TMOD2: variants seen among roughly 807,000 people sequenced by gnomAD.
TMOD2 encodes the protein tropomodulin 2.
TMOD2 carries 22 observed loss-of-function variants against 39.9 expected under a neutral mutation model. The ratio of observed to expected loss-of-function variants is 0.55; its 90% CI spans 0.39 to 0.79. The LOEUF (loss-of-function observed/expected upper bound fraction) is 0.79, where lower values mean the gene tolerates loss of function less well. Ranked by LOEUF, TMOD2 falls within the 30% of genes least tolerant of loss-of-function variation. The pLI, the probability that TMOD2 is intolerant of heterozygous loss-of-function variation, is 0.00. For missense variants in TMOD2, 386 were observed against 413.3 expected (o/e 0.93, Z 0.57); for synonymous variants, 123 against 146.1 (o/e 0.84, Z 1.14).
chr15:51,785,958 TTTAA>T (rs1419825532), intron 7 of TMOD2, among the ~76,000 whole-genome samples: 1 of 152,148 alleles, frequency 6.6e-6, no homozygotes, highest in East Asian at 1.9e-4. Flanking sequence ...AAATTTAACA[TTTAA>T]TTTAAACATT....
intron 3 of TMOD2, among the ~76,000 whole-genome samples, chr15:51,769,191 G>T (rs979783191): frequency 6.6e-6 from 1 of 152,182 alleles, no homozygotes; most frequent in Admixed American, 6.5e-5. Flanking sequence ...AAAACATCTC[G>T]AACCCCAAAG....
rs1204490931 is a variant in TMOD2 at position 51,766,579 on chromosome 15, G to A, written c.126+12G>A. ...ACCTAGATCCTGAGGTTAGTGACATGGAACTGAAGCAGAGTGGTTAATGAT... is the reference window on the plus strand; with the variant it reads ...ACCTAGATCCTGAGGTTAGTGACATAGAACTGAAGCAGAGTGGTTAATGAT... On this transcript the variant is annotated intron_variant, in intron 2 of 9. Coordinates refer to ENST00000249700, the MANE Select transcript of TMOD2 (RefSeq NM_014548.4). The A allele has an allele frequency of 1.2e-6, 2 of 1,612,984 alleles. No homozygotes were observed. The highest frequency in any genetic ancestry group is 1.7e-6 in the Non-Finnish European group (2 of 1,179,538).
At chr15:51,799,988 C>A (rs557347986) in intron 8 of TMOD2, among the ~76,000 whole-genome samples, 1 of 152,254 alleles carries the variant, frequency 6.6e-6, no homozygotes, top group East Asian at 1.9e-4. Context: ...TACCACCTAG[C>A]TAAGGTTGCC....
chr15:51,793,909 G>A (rs926908236), intron 7 of TMOD2, among the ~76,000 whole-genome samples: 10 of 152,332 alleles, frequency 6.6e-5, no homozygotes, highest in South Asian at 2.1e-4. Context: ...AGATTAAAAT[G>A]TATAGATTTA....
chr15:51,772,392 C>G (rs1247369101), intron 3 of TMOD2, among the ~76,000 whole-genome samples: 4 of 152,164 alleles, frequency 2.6e-5, no homozygotes, highest in Admixed American at 2.0e-4. Flanking sequence ...GATCATGGCT[C>G]TAGAATGTCC....
At position 51,814,753 on chromosome 15, in the gene TMOD2, C is replaced by G. The variant is rs76053663; in HGVS notation, c.*6299C>G. 1 of 152,212 alleles carries G rather than the reference C, an allele frequency of 6.6e-6. No individual in the cohort carries two copies. Among genetic ancestry groups the G allele is most frequent in the East Asian group, 1.9e-4 (1 of 5,200 alleles). The allele number at this position is 152,212 out of a possible 1,614,324, so 9.4% of individuals were successfully genotyped here. ...CAATGCTCCCTAAGGTCCCTTCCAG[C>G]TCCAATACTTGACAAGCTTGTGATT... On this transcript the variant is annotated 3_prime_UTR_variant, in exon 10 of 10. Transcript: ENST00000249700.
In TMOD2 at chr15:51,814,477, C is replaced by T. The variant is rs1181865699; in HGVS notation, c.*6023C>T. On this transcript the variant is annotated 3_prime_UTR_variant, in exon 10 of 10. Transcript: ENST00000249700. ...AATGACTTTCATAAGCCCTTGGAGG[C>T]AGGACTGTGTCTCATCCATCTTTGT... 2 of 152,160 alleles carry T rather than the reference C, an allele frequency of 1.3e-5. No individual in the cohort carries two copies. 9.4% of individuals were successfully genotyped at this position (152,160 alleles called of 1,614,324 possible). A position where few individuals can be genotyped will look rare whatever the true frequency, so the allele number is the denominator to read the frequency against.
intron 1 of TMOD2, among the ~76,000 whole-genome samples, chr15:51,752,124 C>T (rs1032834138): frequency 2.6e-5 from 4 of 152,210 alleles, no homozygotes; most frequent in Non-Finnish European, 4.4e-5. Context: ...GAGCGGTATG[C>T]ATCTCCCTGC....
intron 1 of TMOD2, among the ~76,000 whole-genome samples, chr15:51,759,383 A>G (rs146621033): frequency 6.6e-6 from 1 of 152,294 alleles, no homozygotes; most frequent in African/African-American, 2.4e-5. Context: ...GAAGATACAG[A>G]TTTTGGAATC....
At chr15:51,789,903 A>T (rs1447163946) in intron 7 of TMOD2, among the ~76,000 whole-genome samples, 1 of 152,270 alleles carries the variant, frequency 6.6e-6, no homozygotes, top group East Asian at 1.9e-4. Flanking sequence ...CACAAGAGAA[A>T]GCAGGAGAAA....
intron 1 of TMOD2, among the ~76,000 whole-genome samples, chr15:51,762,863 G>A (rs912337617): frequency 3.3e-5 from 5 of 152,104 alleles, no homozygotes; most frequent in African/African-American, 1.2e-4. Flanking sequence ...CCATGTTTTT[G>A]TGTACATCAA....
At chr15:51,784,415 A>G (rs924873627) in intron 7 of TMOD2, 2 of 152,248 alleles carry the variant, frequency 1.3e-5, no homozygotes, top group African/African-American at 4.8e-5. Flanking sequence ...CATGAAAGTA[A>G]TGACTACCTA....
rs1241042975 is a variant in TMOD2 at position 51,766,419 on chromosome 15, A to G, written c.-23A>G. On this transcript the variant is annotated 5_prime_UTR_variant, in exon 2 of 10. The change abolishes an upstream ATG in the 5' untranslated region. Transcript: ENST00000249700. ...TGGACCATTTAAATGTGCATGGCCC[A>G]TGAGAAAGGCTTATAAGAAGCCATG... The G allele has an allele frequency of 6.2e-7, 1 of 1,612,108 alleles. No individual in the cohort carries two copies. The highest frequency in any genetic ancestry group is 2.2e-5 in the East Asian group (1 of 44,844).
intron 6 of TMOD2, among the ~76,000 whole-genome samples, 187 bp downstream of exon 6, chr15:51,781,361 A>T (rs796184397): frequency 6.6e-6 from 1 of 152,254 alleles, no homozygotes; most frequent in Admixed American, 6.5e-5. Flanking sequence ...TTTGAAAAGA[A>T]TCACCATACC....
At chr15:51,770,491 A>G (rs1033978238) in intron 3 of TMOD2, among the ~76,000 whole-genome samples, 2 of 152,136 alleles carry the variant, frequency 1.3e-5, no homozygotes, top group African/African-American at 2.4e-5. Flanking sequence ...AGTGAATGGC[A>G]TCTCAGAAAT....
chr15:51,758,518 C>T (rs2055758140), intron 1 of TMOD2, among the ~76,000 whole-genome samples: 1 of 152,154 alleles, frequency 6.6e-6, no homozygotes, highest in South Asian at 2.1e-4. Flanking sequence ...CATTTGAACT[C>T]ATTTCTTTCA....
chr15:51,764,594 C>A (rs2055804132), intron 1 of TMOD2, among the ~76,000 whole-genome samples: 1 of 152,172 alleles, frequency 6.6e-6, no homozygotes, highest in Non-Finnish European at 1.5e-5. Context: ...CCATTCCCAA[C>A]AGAATAAAGT....
chr15:51,785,152 C>T (rs907476657), intron 7 of TMOD2, among the ~76,000 whole-genome samples: 4 of 152,066 alleles, frequency 2.6e-5, no homozygotes, highest in African/African-American at 9.7e-5. Flanking sequence ...GTGGCTCACG[C>T]CTGTAATCCC....
At chr15:51,768,126 C>T (rs995553220) in intron 2 of TMOD2, 136 bp from the exon 3 acceptor site, 1 of 982,666 alleles carries the variant, frequency 1.0e-6, no homozygotes, top group East Asian at 2.6e-5. Flanking sequence ...GAGCCCCCAG[C>T]CCTCAGCTCA....
Sources: allele counts gnomAD v4.1 joint callset (sites outside exome capture counted in the v4.1 genomes callset), GRCh38; gene constraint gnomAD v4.1.1; transcripts MANE v1.5; gene names NCBI Gene and HGNC (gene_info 2026-07-23, HGNC 2026-07-21).